Variants in CTNNA2 observed in about 807,000 individuals in gnomAD.
CTNNA2 encodes catenin alpha 2.
In CTNNA2, 42 loss-of-function variants were observed where a neutral mutation model predicts 101.0. The observed-to-expected ratio is 0.42, with a 90% CI of 0.32 to 0.54. The LOEUF is 0.54. Ranked by LOEUF, CTNNA2 falls within the 20% of genes least tolerant of loss-of-function variation. The pLI, the probability that CTNNA2 is intolerant of heterozygous loss-of-function variation, is 0.14. For missense variants in CTNNA2, 871 were observed against 1,223.1 expected, an observed-to-expected ratio of 0.71 and a Z score of 4.29; for synonymous variants, 450 against 456.4, an observed-to-expected ratio of 0.99 and a Z score of 0.18.
chr2:79,855,092 T>G (rs10496233), intron 3 of CTNNA2, among the ~76,000 whole-genome samples: 40,387 of 152,144 alleles, frequency 0.27, 5,642 homozygotes, highest in Non-Finnish European at 0.31. Context: ...TTTAATTTGC[T>G]TTGAATGAAA....
At chr2:79,361,068 C>G (rs982301511) in intron 3 of CTNNA2, among the ~76,000 whole-genome samples, 3 of 152,086 alleles carry the variant, frequency 2.0e-5, no homozygotes, top group African/African-American at 7.2e-5. Context: ...TACCCAGACA[C>G]AGGACTGGAA....
chr2:80,510,203 C>T (rs778179632), intron 9 of CTNNA2, among the ~76,000 whole-genome samples: 1 of 152,120 alleles, frequency 6.6e-6, no homozygotes, highest in Non-Finnish European at 1.5e-5. Flanking sequence ...CCTAGTCGCT[C>T]ATTGATTTTT....
chr2:80,285,608 T>C (rs548846578), intron 7 of CTNNA2, among the ~76,000 whole-genome samples: 16 of 152,274 alleles, frequency 1.1e-4, no homozygotes, highest in African/African-American at 3.1e-4. Flanking sequence ...AAAATGTCCC[T>C]TTATTTTGTC....
At chr2:80,089,745 C>T (rs1699667960) in intron 7 of CTNNA2, among the ~76,000 whole-genome samples, 1 of 152,022 alleles carries the variant, frequency 6.6e-6, no homozygotes, top group Non-Finnish European at 1.5e-5. Flanking sequence ...ATTCTGCTTT[C>T]TCATCAGACC....
chr2:79,664,705 CTTTTT>C (rs67782114), intron 2 of CTNNA2, among the ~76,000 whole-genome samples: 14 of 94,986 alleles, frequency 1.5e-4, no homozygotes, highest in African/African-American at 5.7e-4. Context: ...TCACATTCTT[CTTTTT>C]TTTTTTTTTT....
intron 7 of CTNNA2, among the ~76,000 whole-genome samples, chr2:80,351,563 C>T (rs1248507679): frequency 6.6e-6 from 1 of 152,128 alleles, no homozygotes; most frequent in East Asian, 1.9e-4. Flanking sequence ...AGTTTAAATC[C>T]TACAGATTGA....
At chr2:79,930,270 GAAAGAAAGAGAGAGAGAGAGAAAGAGAA>G (rs1558650675) in intron 7 of CTNNA2, among the ~76,000 whole-genome samples, 5 of 15,078 alleles carry the variant, frequency 3.3e-4, no homozygotes, top group Non-Finnish European at 1.1e-3. Context: ...AAGAAAGAAA[GAAAGAAAGAGAGAGAGAGAGAAAGAGAA>G]AGAAAGAAAG....
chr2:79,239,698 G>A (rs748275445), intron 2 of CTNNA2, among the ~76,000 whole-genome samples: 3 of 152,146 alleles, frequency 2.0e-5, no homozygotes, highest in East Asian at 3.9e-4. Context: ...ATTGACAAAC[G>A]GGATCTAATT....
At chr2:80,523,613 A>G (rs1172180867) in intron 9 of CTNNA2, among the ~76,000 whole-genome samples, 3 of 152,176 alleles carry the variant, frequency 2.0e-5, no homozygotes, top group Non-Finnish European at 4.4e-5. Flanking sequence ...TGGGCTCTAC[A>G]GCGAGCTCGG....
intron 7 of CTNNA2, among the ~76,000 whole-genome samples, chr2:80,160,325 A>G (rs1704232569): frequency 6.6e-6 from 1 of 152,182 alleles, no homozygotes; most frequent in African/African-American, 2.4e-5. Context: ...AATGTTATTT[A>G]TACGTACAAA....
intron 14 of CTNNA2, among the ~76,000 whole-genome samples, chr2:80,586,887 G>C (rs1449089771): frequency 6.6e-6 from 1 of 152,164 alleles, no homozygotes; most frequent in Non-Finnish European, 1.5e-5. Flanking sequence ...CATCTGGGCA[G>C]CCACGGGTTC....
intron 1 of CTNNA2, among the ~76,000 whole-genome samples, chr2:79,610,617 T>C (rs1678206469): frequency 1.3e-5 from 2 of 152,152 alleles, no homozygotes; most frequent in African/African-American, 4.8e-5. Flanking sequence ...AATGCACATG[T>C]ATACTATAGG....
At chr2:79,575,220 A>G (rs1250191095) in intron 1 of CTNNA2, among the ~76,000 whole-genome samples, 1 of 152,174 alleles carries the variant, frequency 6.6e-6, no homozygotes, top group African/African-American at 2.4e-5. Flanking sequence ...ATATTTTTAC[A>G]TGTTCACCCA....
At chr2:80,088,653 G>C (rs1266369896) in intron 7 of CTNNA2, among the ~76,000 whole-genome samples, 1 of 151,922 alleles carries the variant, frequency 6.6e-6, no homozygotes, top group African/African-American at 2.4e-5. Context: ...TTTTGGTTTT[G>C]TTTTAAATCA....
intron 3 of CTNNA2, among the ~76,000 whole-genome samples, chr2:79,354,093 A>G (rs1450125012): frequency 1.3e-5 from 2 of 152,056 alleles, no homozygotes; most frequent in East Asian, 1.9e-4. Flanking sequence ...TCCCTCTAGC[A>G]GTTTTAAAGA....
chr2:79,760,696 A>G (rs1672731439), intron 3 of CTNNA2, among the ~76,000 whole-genome samples: 2 of 152,246 alleles, frequency 1.3e-5, no homozygotes, highest in African/African-American at 2.4e-5. Context: ...AACCATCACA[A>G]TAGGTAATAA....
intron 7 of CTNNA2, among the ~76,000 whole-genome samples, chr2:80,095,586 T>C (rs1700092111): frequency 6.6e-6 from 1 of 152,248 alleles, no homozygotes; most frequent in Non-Finnish European, 1.5e-5. Context: ...TGGTACCAGC[T>C]CTTCCTTGTA....
chr2:80,519,107 TC>T (rs1231324941), intron 9 of CTNNA2, among the ~76,000 whole-genome samples: 7 of 151,264 alleles, frequency 4.6e-5, no homozygotes, highest in African/African-American at 1.7e-4. Context: ...AATAAACACC[TC>T]TCTTTCTCTT....
intron 7 of CTNNA2, among the ~76,000 whole-genome samples, chr2:79,923,813 T>A (rs1686838736): frequency 6.6e-6 from 1 of 152,144 alleles, no homozygotes; most frequent in African/African-American, 2.4e-5. Context: ...TCCGCTTTTG[T>A]AGATTCCACA....
Sources: gnomAD v4.1 joint callset for allele counts (sites outside exome capture counted in the v4.1 genomes callset) on GRCh38, gnomAD v4.1.1 for gene constraint, MANE v1.5 for transcripts, NCBI Gene and HGNC (gene_info 2026-07-23, HGNC 2026-07-21) for gene names.